Variants in EPB41 observed in about 807,000 individuals in gnomAD.
EPB41 encodes the protein protein 4.1.
Under a neutral mutation model 108.0 loss-of-function variants are expected in EPB41, and 65 were observed. That is an observed-to-expected ratio of 0.60 (90% confidence interval 0.49 to 0.74). EPB41 has a LOEUF of 0.74. Among genes scored for constraint, EPB41 ranks in the 30% least tolerant of loss-of-function variants. EPB41 has a pLI of 0.00. For missense variants in EPB41, 875 were observed against 1,037.0 expected (o/e 0.84, Z 2.15); for synonymous variants, 336 against 358.9 (o/e 0.94, Z 0.72).
intron 18 of EPB41, among the ~76,000 whole-genome samples, chr1:29,111,034 G>A (rs1668976819): frequency 6.6e-6 from 1 of 152,088 alleles, no homozygotes; most frequent in African/African-American, 2.4e-5. Context: ...GAGCATGGTG[G>A]CACACGCCTA....
In EPB41 at chr1:28,967,013, C is replaced by CTTTTT. The variant is rs71586876; in HGVS notation, c.-7-20399_-7-20395dup. On this transcript the variant is annotated intron_variant, in intron 1 of 20. Transcript: ENST00000343067. ...TATAAAGATAGATTCATATGAGAAC[C>CTTTTT]TTTTTTTTTTTTTTTTTTTTTTTGA... Among the ~76,000 whole-genome samples, 81 of 85,372 alleles carry CTTTTT rather than the reference C, an allele frequency of 9.5e-4. 1 individual carries two copies. Among genetic ancestry groups the CTTTTT allele is most frequent in the African/African-American group, 1.2e-3 (25 of 21,246 alleles). 56.0% of individuals were successfully genotyped at this position (85,372 alleles called of 152,430 possible).
chr1:29,036,408 C>T (rs138119297), intron 10 of EPB41, among the ~76,000 whole-genome samples: 1,606 of 151,626 alleles, frequency 0.011, 32 homozygotes, highest in African/African-American at 0.036. Flanking sequence ...TACAGGCACC[C>T]GCCATCATGC....
chr1:29,015,688 A>G lies in EPB41; in HGVS notation c.830-4A>G, dbSNP rs779040931. On this transcript the variant is annotated splice_region_variant and splice_polypyrimidine_tract_variant and intron_variant, in intron 5 of 20. Transcript: ENST00000343067. ...GTAAAATTCTTTTGTGTTTATTTTT[A>G]TAGGTGTCCCTTGGAATTTTACATT... The G allele has an allele frequency of 1.3e-6, 2 of 1,592,294 alleles. No individual in the cohort carries two copies. The highest frequency in any genetic ancestry group is 1.1e-5 in the South Asian group (1 of 90,254).
rs141147426 is a variant in EPB41, at chr1:29,109,377, G to A, written c.2355G>A (p.Leu785=). The A allele has an allele frequency of 6.3e-5, 102 of 1,614,108 alleles. 2 individuals are homozygous for A. The East Asian group carries it at 1.2e-3, about 19-fold the overall frequency. ...GAGACTTGGACCCAGGAGTCTTGCT[G>A]ACAGCTCAAACTATCACATCTGAGA... The part of the protein sequence containing the change: ...NSGDLDPGVL[L]TAQTITSETP... Residue 785 remains leucine, a synonymous_variant, in exon 18 of 21, where the codon CTG becomes CTA. Coordinates refer to ENST00000343067, the MANE Select transcript of EPB41 (RefSeq NM_001376013.1).
intron 4 of EPB41, among the ~76,000 whole-genome samples, chr1:29,007,173 C>T (rs1269619351): frequency 6.6e-6 from 1 of 151,798 alleles, no homozygotes; most frequent in Non-Finnish European, 1.5e-5. Flanking sequence ...TTTACTGCAT[C>T]CTCCACCTCC....
chr1:28,910,760 TTC>T (rs1235560259), upstream of EPB41, among the ~76,000 whole-genome samples: 1 of 152,136 alleles, frequency 6.6e-6, no homozygotes, highest in East Asian at 1.9e-4. Context: ...TTTTTTCTTT[TTC>T]TCTTTTGCTT....
chr1:28,920,016 C>G (rs2092962085), intron 1 of EPB41, among the ~76,000 whole-genome samples: 1 of 152,004 alleles, frequency 6.6e-6, no homozygotes, highest in Non-Finnish European at 1.5e-5. Flanking sequence ...TCAGGGTGAT[C>G]TCTGCTTGTG....
intron 17 of EPB41, among the ~76,000 whole-genome samples, chr1:29,106,815 C>T (rs1667353187): frequency 6.6e-6 from 1 of 151,126 alleles, no homozygotes; most frequent in Non-Finnish European, 1.5e-5. Flanking sequence ...TCGTGATCCG[C>T]CTGCCTTGGC....
At chr1:29,098,880 T>C (rs1664218619) in intron 17 of EPB41, among the ~76,000 whole-genome samples, 1 of 151,756 alleles carries the variant, frequency 6.6e-6, no homozygotes, top group Admixed American at 6.6e-5. Context: ...TACAGTCATG[T>C]GCACATGGCT....
chr1:28,969,794 G>A (rs561160703), intron 1 of EPB41, among the ~76,000 whole-genome samples: 42 of 152,184 alleles, frequency 2.8e-4, no homozygotes, highest in African/African-American at 5.8e-4. Context: ...CCAGCTACTC[G>A]GGAGGCTGAG....
At chr1:28,968,845 A>G (rs772846596) in intron 1 of EPB41, among the ~76,000 whole-genome samples, 2 of 151,730 alleles carry the variant, frequency 1.3e-5, no homozygotes, top group Non-Finnish European at 2.9e-5. Context: ...CGCACCTGTA[A>G]TGCCAGCTAC....
intron 7 of EPB41, among the ~76,000 whole-genome samples, chr1:29,027,674 A>C (rs2096738422): frequency 6.6e-6 from 1 of 152,040 alleles, no homozygotes; most frequent in African/African-American, 2.4e-5. Flanking sequence ...AGACTCAAGC[A>C]ATCCTCCTGT....
intron 17 of EPB41, among the ~76,000 whole-genome samples, chr1:29,107,568 C>T (rs1048858374): frequency 6.6e-5 from 10 of 151,986 alleles, no homozygotes; most frequent in South Asian, 2.1e-4. Flanking sequence ...TATTAGTTAG[C>T]GGCTGGGCGC....
At chr1:28,894,803 G>A (rs896455292) in intron 1 of EPB41, among the ~76,000 whole-genome samples, 2 of 152,164 alleles carry the variant, frequency 1.3e-5, no homozygotes, top group African/African-American at 4.8e-5. Context: ...AGCCCACACA[G>A]GGCCCCATTT....
intron 17 of EPB41, among the ~76,000 whole-genome samples, chr1:29,108,429 T>C (rs1380310572): frequency 2.6e-5 from 4 of 152,236 alleles, no homozygotes; most frequent in Non-Finnish European, 5.9e-5. Flanking sequence ...ATTATAGGCC[T>C]GAGCCACCGT....
In EPB41 at chr1:29,015,786, A is replaced by C. The variant is rs962455978; in HGVS notation, c.905+19A>C. The C allele has an allele frequency of 6.8e-7, 1 of 1,466,634 alleles. No homozygotes were observed. The highest frequency in any genetic ancestry group is 1.4e-5 in the African/African-American group (1 of 71,850). 90.9% of individuals were successfully genotyped at this position (1,466,634 alleles called of 1,614,324 possible). On this transcript the variant is annotated intron_variant, in intron 6 of 20. Coordinates refer to ENST00000343067, the MANE Select transcript of EPB41 (RefSeq NM_001376013.1). Reference sequence around the variant, plus strand: ...TAACAAGGTAAATAAGTAATAGTTAAATATGTAATTTATCATATAATAATG... The same window carrying C: ...TAACAAGGTAAATAAGTAATAGTTACATATGTAATTTATCATATAATAATG...
chr1:29,059,906 G>A (rs747130898), intron 14 of EPB41, among the ~76,000 whole-genome samples: 4 of 152,120 alleles, frequency 2.6e-5, no homozygotes, highest in Non-Finnish European at 5.9e-5. Flanking sequence ...TTTATTGGCT[G>A]ATCATGTATA....
At chr1:28,923,347 G>A (rs895194972) in intron 1 of EPB41, among the ~76,000 whole-genome samples, 7 of 151,944 alleles carry the variant, frequency 4.6e-5, no homozygotes, top group South Asian at 2.1e-4. Context: ...TACCCGCCTC[G>A]GCCTCCCAAA....
At chr1:28,997,112 A>G in intron 3 of EPB41, 103 bp from the exon 4 acceptor site, 1 of 844,514 alleles carries the variant, frequency 1.2e-6, no homozygotes, top group East Asian at 2.5e-5. Flanking sequence ...TGATCAGGCC[A>G]CTGTACTCCA....
Sources: allele counts gnomAD v4.1 joint callset (sites outside exome capture counted in the v4.1 genomes callset), GRCh38; gene constraint gnomAD v4.1.1; transcripts MANE v1.5; gene names NCBI Gene and HGNC (gene_info 2026-07-23, HGNC 2026-07-21).